TMPRSS5: variants seen among roughly 807,000 people sequenced by gnomAD.
TMPRSS5 encodes the protein transmembrane serine protease 5.
TMPRSS5 carries 45 observed loss-of-function variants against 59.7 expected under a neutral mutation model. The ratio of observed to expected loss-of-function variants is 0.75; its 90% CI spans 0.59 to 0.97. The LOEUF (loss-of-function observed/expected upper bound fraction) is 0.97, where lower values mean the gene tolerates loss of function less well. Among genes scored for constraint, TMPRSS5 ranks in the 50% least tolerant of loss-of-function variants. The pLI, the probability that TMPRSS5 is intolerant of heterozygous loss-of-function variation, is 0.00. For synonymous variants in TMPRSS5, 225 were observed against 232.0 expected (o/e 0.97, Z 0.27); for missense variants, 585 against 596.7 (o/e 0.98, Z 0.20).
At chr11:113,690,175 T>TCCCCCCCCCACCCCCCCCC in intron 11 of TMPRSS5, 56 bp downstream of exon 11, 1 of 159,592 alleles carries the variant, frequency 6.3e-6, no homozygotes, top group Non-Finnish European at 1.1e-5. Flanking sequence ...GCAGGCCCCC[T>TCCCCCCCCCACCCCCCCCC]GCCCTCCCAC....
At chr11:113,696,211 A>T (rs1952924320) in intron 6 of TMPRSS5, among the ~76,000 whole-genome samples, 1 of 152,282 alleles carries the variant, frequency 6.6e-6, no homozygotes, top group East Asian at 1.9e-4. Flanking sequence ...TCAAATTGGA[A>T]ATGTGGTAAT....
Position 113,687,969 on chromosome 11 carries a change from C to G in TMPRSS5, c.*291G>C. ...GCCTCTTCATCTCCAGCTCCTACCTCTCTCCTCCCCCTCATCCCTCAGCAA... is the reference window on the plus strand; with the variant it reads ...GCCTCTTCATCTCCAGCTCCTACCTGTCTCCTCCCCCTCATCCCTCAGCAA... On this transcript the variant is annotated 3_prime_UTR_variant, in exon 13 of 13. Coordinates refer to ENST00000299882, the MANE Select transcript of TMPRSS5 (RefSeq NM_030770.4). 1 of 368,714 alleles carries G rather than the reference C, an allele frequency of 2.7e-6. No individual in the cohort carries two copies. The highest frequency in any genetic ancestry group is 4.8e-6 in the Non-Finnish European group (1 of 209,466). The allele number at this position is 368,714 out of a possible 1,614,324, so 22.8% of individuals were successfully genotyped here.
intron 7 of TMPRSS5, among the ~76,000 whole-genome samples, chr11:113,694,870 T>C (rs968720626): frequency 6.6e-6 from 1 of 152,160 alleles, no homozygotes; most frequent in Non-Finnish European, 1.5e-5. Flanking sequence ...GTATCTGCAC[T>C]AATGGAGCCC....
chr11:113,688,194 A>G lies in TMPRSS5; in HGVS notation c.*66T>C. On this transcript the variant is annotated 3_prime_UTR_variant, in exon 13 of 13. Coordinates refer to ENST00000299882, the MANE Select transcript of TMPRSS5 (RefSeq NM_030770.4). ...GCTACTGCCTCTCCTCCATTAGTGGAGCTGCTGGAGGCCCCAGGAAGCATG... is the reference window on the plus strand; with the variant it reads ...GCTACTGCCTCTCCTCCATTAGTGGGGCTGCTGGAGGCCCCAGGAAGCATG... 1 of 1,541,832 alleles carries G rather than the reference A, an allele frequency of 6.5e-7. No individual in the cohort carries two copies. The highest frequency in any genetic ancestry group is 8.7e-7 in the Non-Finnish European group (1 of 1,144,632).
chr11:113,694,390 G>A, intron 8 of TMPRSS5, 88 bp downstream of exon 8: 2 of 1,411,676 alleles, frequency 1.4e-6, no homozygotes, highest in South Asian at 1.3e-5. Context: ...GGAGACAGTT[G>A]GACACGAACA....
Position 113,693,231 on chromosome 11 carries a change from C to G in TMPRSS5, c.804G>C (p.Leu268=). Residue 268 remains leucine, a synonymous_variant, in exon 9 of 13, where the codon CTG becomes CTC. Transcript: ENST00000299882. ...GCCCCGCATGAACCCGCCAGCTGGA[C>G]AGGCGGGCCAGCCTGAAACTGCACA... ...HCMHSFRLAR[L]SSWRVHAGLV... is the part of the protein sequence containing the mutation. 1 of 1,568,678 alleles carries G rather than the reference C, an allele frequency of 6.4e-7. No individual in the cohort carries two copies. Among genetic ancestry groups the G allele is most frequent in the Non-Finnish European group, 8.7e-7 (1 of 1,155,720 alleles).
Position 113,693,105 on chromosome 11 carries a change from G to A in TMPRSS5, c.930C>T (p.Ala310=). 1.3e-6 allele frequency: 2 copies of A among 1,584,720 alleles called. No individual in the cohort carries two copies. The highest frequency in any genetic ancestry group is 1.2e-5 in the South Asian group (1 of 86,514). The change falls in exon 9 of 13, where the codon GCC becomes GCT. Residue 310 remains alanine, a synonymous_variant. Transcript: ENST00000299882. ...TGAGAGCGGTCTGGAGCCTCAGGAG[G>A]GCGACGTCGTAGTCATGATTCTGGG... The part of the protein sequence containing the change: ...YSAQNHDYDV[A]LLRLQTALNF...
In TMPRSS5 at chr11:113,689,801, T is replaced by C. The variant is rs776456800; in HGVS notation, c.1323A>G (p.Val441=). The stretch of plus-strand genomic sequence containing the variant: ...CATGGATCCAGTCCAGAAACTCAGC[T>C]ACCTTGGCGTAGACACCTGGGTGAT... ...EPNHPGVYAK[V]AEFLDWIHDT... The change falls in exon 12 of 13, where the codon GTA becomes GTG. Residue 441 remains valine, a synonymous_variant. Transcript: ENST00000299882. 6 of 1,608,854 alleles carry C rather than the reference T, an allele frequency of 3.7e-6. No individual in the cohort carries two copies. In the South Asian group the frequency reaches 5.6e-5, roughly 15 times the overall value.
intron 12 of TMPRSS5, 57 bp from the exon 13 acceptor site, chr11:113,688,331 C>G: frequency 8.0e-7 from 1 of 1,256,234 alleles, no homozygotes; most frequent in South Asian, 1.3e-5. Flanking sequence ...AGCCAAGCGA[C>G]TTTTATTTTA....
chr11:113,690,174 C>CCGG, intron 11 of TMPRSS5, 57 bp downstream of exon 11: 2 of 770,516 alleles, frequency 2.6e-6, no homozygotes, highest in Non-Finnish European at 4.2e-6. Flanking sequence ...AGCAGGCCCC[C>CCGG]TGCCCTCCCA....
rs771604278 is a variant in TMPRSS5, at chr11:113,689,868, AGGCGCCAT to A, written c.1248_1255del (p.Trp417SerfsTer24). The A allele has an allele frequency of 7.7e-5, 121 of 1,579,880 alleles. No individual in the cohort carries two copies. In the East Asian group the frequency reaches 2.6e-3, roughly 34 times the overall value. ...ACGCCCCCAGCTGACCACCCCCACT[AGGCGCCAT>A]GTGTCCCCATCTGGGCACACTAGGG... On this transcript the variant is annotated frameshift_variant, in exon 12 of 13. Coordinates refer to ENST00000299882, the MANE Select transcript of TMPRSS5 (RefSeq NM_030770.4). LOFTEE classifies it high-confidence loss of function.
rs529784062 is a variant in TMPRSS5, at chr11:113,688,296, C to T, written c.1360-22G>A. 7.9e-6 allele frequency: 12 copies of T among 1,523,868 alleles called. No individual in the cohort carries two copies. In the Admixed American group the frequency reaches 1.5e-4, roughly 19 times the overall value. 94.4% of individuals were successfully genotyped at this position (1,523,868 alleles called of 1,614,324 possible). A position where few individuals can be genotyped will look rare whatever the true frequency, so the allele number is the denominator to read the frequency against. ...AGTCCTAGACCAAAAGGGAAAGGAACTGATTCACAGCATGGCTCTACACTA... is the reference window on the plus strand; with the variant it reads ...AGTCCTAGACCAAAAGGGAAAGGAATTGATTCACAGCATGGCTCTACACTA... On this transcript the variant is annotated intron_variant, in intron 12 of 12. Transcript: ENST00000299882.
chr11:113,703,115 G>C (rs2089653), intron 1 of TMPRSS5, among the ~76,000 whole-genome samples: 28,609 of 152,200 alleles, frequency 0.19, 3,293 homozygotes, highest in Middle Eastern at 0.33. Flanking sequence ...GCCTGGAAAA[G>C]CTGCAGCCCA....
chr11:113,701,489 C>CGGGGG (rs57193385), intron 1 of TMPRSS5, among the ~76,000 whole-genome samples: 1 of 145,552 alleles, frequency 6.9e-6, no homozygotes, highest in African/African-American at 2.5e-5. Context: ...TTTTTTTTGG[C>CGGGGG]GGGGGGGGGT....
At chr11:113,691,533 C>T (rs1467046636) in intron 9 of TMPRSS5, among the ~76,000 whole-genome samples, 1 of 152,126 alleles carries the variant, frequency 6.6e-6, no homozygotes, top group Non-Finnish European at 1.5e-5. Context: ...ACTCAGCTAC[C>T]TAGAACTTCC....
intron 2 of TMPRSS5, 64 bp from the exon 3 acceptor site, chr11:113,699,757 T>A (rs1281857025): frequency 6.6e-7 from 1 of 1,506,022 alleles, no homozygotes; most frequent in Non-Finnish European, 9.0e-7. Flanking sequence ...TACTTCACCC[T>A]AAGTCACCAC....
In TMPRSS5 at chr11:113,699,268, TCTCC is replaced by T. The variant is rs1565263796; in HGVS notation, c.206-245_206-242del. ...CTCTCTCTCTCTCTCTCTCTCTCTC[TCTCC>T]CTCTCTCTCTCTCTCTCTCTGTCTC... On this transcript the variant is annotated intron_variant, in intron 3 of 12. Coordinates refer to ENST00000299882, the MANE Select transcript of TMPRSS5 (RefSeq NM_030770.4). Among the ~76,000 whole-genome samples, 118 of 66,740 alleles carry T rather than the reference TCTCC, an allele frequency of 1.8e-3. 6 individuals carry two copies. Among genetic ancestry groups the T allele is most frequent in the East Asian group, 7.0e-3 (12 of 1,718 alleles). The allele number at this position is 66,740 out of a possible 152,430, so 43.8% of individuals were successfully genotyped here.
intron 1 of TMPRSS5, among the ~76,000 whole-genome samples, chr11:113,703,716 A>T (rs1192269812): frequency 2.0e-5 from 3 of 152,212 alleles, no homozygotes; most frequent in Non-Finnish European, 2.9e-5. Context: ...CATGATAGTG[A>T]GTGAGTTCTC....
intron 4 of TMPRSS5, among the ~76,000 whole-genome samples, chr11:113,698,615 C>T (rs1328304962): frequency 3.9e-5 from 6 of 152,184 alleles, no homozygotes; most frequent in Admixed American, 3.9e-4. Context: ...ATCCCTCCTC[C>T]CCCATGTCCC....
Sources: allele counts gnomAD v4.1 joint callset (sites outside exome capture counted in the v4.1 genomes callset), GRCh38; gene constraint gnomAD v4.1.1; transcripts MANE v1.5; gene names NCBI Gene and HGNC (gene_info 2026-07-23, HGNC 2026-07-21).